ZBTB45: variants seen among roughly 807,000 people sequenced by gnomAD.
The protein encoded by ZBTB45 is zinc finger and BTB domain-containing protein 45.
Under a neutral mutation model 28.4 loss-of-function variants are expected in ZBTB45, and 22 were observed. The observed-to-expected ratio is 0.77, with a 90% confidence interval of 0.55 to 1.10. The LOEUF is 1.10. ZBTB45 is among the 50% of genes least tolerant of loss of function. ZBTB45 has a pLI of 0.00. For missense variants in ZBTB45, 656 were observed against 750.2 expected (o/e 0.87, Z 1.47); for synonymous variants, 361 against 332.3 (o/e 1.09, Z -0.94).
chr19:58,517,051 T>C lies in ZBTB45; in HGVS notation c.623A>G (p.Asp208Gly), dbSNP rs1364183520. The C allele has an allele frequency of 6.2e-7, 1 of 1,613,140 alleles. No individual in the cohort carries two copies. The highest frequency in any genetic ancestry group is 1.3e-5 in the African/African-American group (1 of 74,942). ...ATCGTCACTTTCCTCGTCATCCTCGTCACCTCGGTCATCAGGGGCCGCGGA... is the reference window on the plus strand; with the variant it reads ...ATCGTCACTTTCCTCGTCATCCTCGCCACCTCGGTCATCAGGGGCCGCGGA... ...SLSAAPDDRG[D>G]EDDEESDDET... The change falls in exon 2 of 3, where the codon GAC becomes GGC. Residue 208 changes from aspartate to glycine, a missense_variant. By Grantham distance (94) the Asp-to-Gly change is moderately conservative. This residue lies in a region of ZBTB45 where 448 missense variants were observed against 444.3 expected (regional missense o/e 1.01). Transcript: ENST00000594051.
At chr19:58,538,184 C>G (rs1381152329) in intron 1 of ZBTB45, among the ~76,000 whole-genome samples, 1 of 152,028 alleles carries the variant, frequency 6.6e-6, no homozygotes, top group African/African-American at 2.4e-5. Flanking sequence ...CTGTGCACTG[C>G]CAGCACCAAC....
chr19:58,519,580 C>G (rs1409803776), intron 1 of ZBTB45, 162 bp downstream of exon 1: 1 of 152,656 alleles, frequency 6.6e-6, no homozygotes, highest in African/African-American at 2.4e-5. Context: ...CCCCTCTGAC[C>G]CGCCGCTGCC....
intron 1 of ZBTB45, 24 bp from the exon 2 acceptor site, chr19:58,517,697 G>A (rs2122564458): frequency 1.3e-6 from 2 of 1,599,104 alleles, no homozygotes; most frequent in East Asian, 2.2e-5. Flanking sequence ...GAGGAGGGCA[G>A]GGAGAGGTCA....
chr19:58,529,928 G>T (rs1048781055), intron 1 of ZBTB45, among the ~76,000 whole-genome samples: 3 of 152,080 alleles, frequency 2.0e-5, no homozygotes, highest in Non-Finnish European at 4.4e-5. Context: ...GGCTGGGTGT[G>T]GTGGCTCATG....
chr19:58,527,261 G>A (rs2053612852), intron 1 of ZBTB45, among the ~76,000 whole-genome samples: 1 of 152,078 alleles, frequency 6.6e-6, no homozygotes, highest in African/African-American at 2.4e-5. Flanking sequence ...ATGGCCCCAG[G>A]GGACAGTCTT....
rs2053505752 is a variant in ZBTB45, at chr19:58,516,811, A to C, written c.863T>G (p.Val288Gly). ...SAEDVFPDSY[V>G]STWHDEDGAV... ...GCCATCCTCGTCGTGCCAAGTGGAT[A>C]CATAGCTGTCTGGAAATACGTCCTC... The change falls in exon 2 of 3, where the codon GTA becomes GGA. Residue 288 changes from valine to glycine, a missense_variant. Transcript: ENST00000594051. The surrounding 1 kb of genome is among the most constrained non-coding windows in gnomAD (Gnocchi z 6.2). 1 of 1,613,674 alleles carries C rather than the reference A, an allele frequency of 6.2e-7. No individual in the cohort carries two copies.
chr19:58,537,347 G>A (rs551581653), intron 1 of ZBTB45, among the ~76,000 whole-genome samples: 2 of 152,276 alleles, frequency 1.3e-5, no homozygotes, highest in Middle Eastern at 3.4e-3. Context: ...TACTGGGGAT[G>A]AAGGTCTTGG....
chr19:58,525,734 G>C (rs1015655453), intron 1 of ZBTB45, among the ~76,000 whole-genome samples: 1 of 152,182 alleles, frequency 6.6e-6, no homozygotes, highest in Non-Finnish European at 1.5e-5. Context: ...ATTTACAACC[G>C]AGAAAAGATT....
chr19:58,536,527 C>T (rs1226103373), intron 1 of ZBTB45, among the ~76,000 whole-genome samples: 5 of 146,056 alleles, frequency 3.4e-5, no homozygotes, highest in African/African-American at 1.0e-4. Flanking sequence ...CCTGTAATTC[C>T]AGCTACTCAG....
intron 1 of ZBTB45, among the ~76,000 whole-genome samples, chr19:58,532,395 G>GT (rs1375293606): frequency 3.9e-5 from 6 of 152,224 alleles, no homozygotes; most frequent in African/African-American, 1.4e-4. Flanking sequence ...AGAAAATAAC[G>GT]TAAGGCTACA....
intron 1 of ZBTB45, among the ~76,000 whole-genome samples, chr19:58,526,525 ATTTTTTTTTT>A (rs71293931): frequency 3.8e-5 from 5 of 131,010 alleles, no homozygotes; most frequent in African/African-American, 1.4e-4. Flanking sequence ...TATTATTATT[ATTTTTTTTTT>A]TTTTTTTTTT....
chr19:58,515,945 C>T lies in ZBTB45; in HGVS notation c.1279+450G>A, dbSNP rs537642772. ...GTTCCTGGGGCCTTCATCCCACCAC[C>T]TCTGAGGGCTTTCTACCCCTGGGCC... On this transcript the variant is annotated intron_variant, in intron 2 of 2. Coordinates refer to ENST00000594051, the MANE Select transcript of ZBTB45 (RefSeq NM_001316979.2). This position sits in a 1 kb window ranked among gnomAD's most constrained non-coding sequence, Gnocchi z 4.7. Among the ~76,000 whole-genome samples the T allele has an allele frequency of 7.2e-5, 11 of 152,292 alleles. No individual in the cohort carries two copies. The South Asian group carries it at 2.3e-3, about 32-fold the overall frequency.
Position 58,514,029 on chromosome 19 carries a change from T to A in ZBTB45, c.*25A>T. 7.2e-7 allele frequency: 1 copy of A among 1,385,504 alleles called. No individual in the cohort carries two copies. The highest frequency in any genetic ancestry group is 9.3e-7 in the Non-Finnish European group (1 of 1,076,170). 85.8% of individuals were successfully genotyped at this position (1,385,504 alleles called of 1,614,324 possible). ...TGTGCGGGAGGCCCCGGATCCACCG[T>A]GGGCGAGGCCAGGCCCCAGCGCCAT... On this transcript the variant is annotated 3_prime_UTR_variant, in exon 3 of 3. Coordinates refer to ENST00000594051, the MANE Select transcript of ZBTB45 (RefSeq NM_001316979.2).
At chr19:58,528,228 G>A (rs2053617611) in intron 1 of ZBTB45, among the ~76,000 whole-genome samples, 1 of 152,094 alleles carries the variant, frequency 6.6e-6, no homozygotes, top group Non-Finnish European at 1.5e-5. Context: ...ATCAGACTAG[G>A]ACACTTCCTG....
chr19:58,516,968 A>C lies in ZBTB45; in HGVS notation c.706T>G (p.Ser236Ala), dbSNP rs753784392. ...AAGCCAGCAGCACAGTCTGGGAAGG[A>C]AGGAGGTGCCTGGCCCTCGCCTGGG... is the stretch of plus-strand genomic sequence containing the variant. Reference protein sequence around the residue: ...GGPGEGQAPPSFPDCAAGFLT... With the variant: ...GGPGEGQAPPAFPDCAAGFLT... The change falls in exon 2 of 3, where the codon TCC (serine) becomes GCC (alanine). Residue 236 changes from serine to alanine, a missense_variant. By Grantham distance (99) the Ser-to-Ala change is moderately conservative (BLOSUM62 1). This residue lies in a region of ZBTB45 where 448 missense variants were observed against 444.3 expected (regional missense o/e 1.01). Coordinates refer to ENST00000594051, the MANE Select transcript of ZBTB45 (RefSeq NM_001316979.2). The surrounding 1 kb of genome is among the most constrained non-coding windows in gnomAD (Gnocchi z 6.2). The C allele has an allele frequency of 1.2e-6, 2 of 1,613,126 alleles. No homozygotes were observed. The highest frequency in any genetic ancestry group is 2.7e-5 in the African/African-American group (2 of 74,920).
intron 1 of ZBTB45, among the ~76,000 whole-genome samples, chr19:58,518,640 T>C (rs2122568549): frequency 6.6e-6 from 1 of 152,186 alleles, no homozygotes; most frequent in Middle Eastern, 3.4e-3. Context: ...CAGAGGACTC[T>C]GGAATCTGAG....
chr19:58,513,712 C>T lies in ZBTB45; in HGVS notation c.*342G>A, dbSNP rs917956286. On this transcript the variant is annotated 3_prime_UTR_variant, in exon 3 of 3. Transcript: ENST00000594051. ...GGGGCAGGCAAGCGGCCCCCCAGCC[C>T]CCACCACCACCCCAGGAGAGGGCGG... 5 of 261,974 alleles carry T rather than the reference C, an allele frequency of 1.9e-5. No homozygotes were observed. Among genetic ancestry groups the T allele is most frequent in the African/African-American group, 2.2e-5 (1 of 45,050 alleles). The allele number at this position is 261,974 out of a possible 1,614,324, so 16.2% of individuals were successfully genotyped here. A position where few individuals can be genotyped will look rare whatever the true frequency, so the allele number is the denominator to read the frequency against.
At position 58,517,224 on chromosome 19, in the gene ZBTB45, ACGCAGCTG is replaced by A. The variant is rs779679506; in HGVS notation, c.442_449del (p.Gln148SerfsTer22). On this transcript the variant is annotated frameshift_variant, in exon 2 of 3. Coordinates refer to ENST00000594051, the MANE Select transcript of ZBTB45 (RefSeq NM_001316979.2). LOFTEE classifies it high-confidence loss of function. The stretch of plus-strand genomic sequence containing the variant: ...CAGCCAGCAGGTGGCGCAGGCGGTG[ACGCAGCTG>A]CGCAGGTGCGAGTGGCGGGGGCACA... 5.9e-5 allele frequency: 94 copies of A among 1,598,738 alleles called. No homozygotes were observed. The highest frequency in any genetic ancestry group is 7.2e-5 in the Non-Finnish European group (85 of 1,174,538).
chr19:58,520,287 A>G (rs2053566875), upstream of ZBTB45: 1 of 152,176 alleles, frequency 6.6e-6, no homozygotes. Flanking sequence ...AAAGGACCCC[A>G]TCTCGGCCTT....
Sources: gnomAD v4.1 joint callset for allele counts (sites outside exome capture counted in the v4.1 genomes callset) on GRCh38, gnomAD v4.1.1 for gene constraint, gnomAD v4.1.1 regional missense constraint, Gnocchi (gnomAD v3.1) non-coding constraint, MANE v1.5 for transcripts, NCBI Gene and HGNC (gene_info 2026-07-23, HGNC 2026-07-21) for gene names.